DRC9: variants seen among roughly 807,000 people sequenced by gnomAD.
DRC9 encodes dynein regulatory complex protein 9.
the DRC9 span, among the ~76,000 whole-genome samples, chr3:197,944,655 A>G: frequency 1.2e-4 from 18 of 151,964 alleles, no homozygotes; most frequent in Admixed American, 2.0e-4. Context: ...TCACCGTGTT[A>G]GCCAGGATGG....
the DRC9 span, chr3:197,891,470 G>A: frequency 6.3e-7 from 1 of 1,597,368 alleles, no homozygotes; most frequent in African/African-American, 1.3e-5. Flanking sequence ...TTAATTCCAA[G>A]AGATCCTGTT....
the DRC9 span, among the ~76,000 whole-genome samples, chr3:197,932,806 T>C: frequency 1.5e-5 from 2 of 137,234 alleles, no homozygotes; most frequent in African/African-American, 5.6e-5. Flanking sequence ...AAAAAATATA[T>C]ATATGTATTA....
the DRC9 span, among the ~76,000 whole-genome samples, chr3:197,904,631 G>C: frequency 6.6e-6 from 1 of 152,110 alleles, no homozygotes; most frequent in Non-Finnish European, 1.5e-5. Flanking sequence ...TTGGGAGGCC[G>C]AGGCAGATCA....
the DRC9 span, among the ~76,000 whole-genome samples, chr3:197,911,841 T>C: frequency 4.9e-4 from 74 of 151,674 alleles, no homozygotes; most frequent in African/African-American, 1.7e-3. Flanking sequence ...GGTTTCTCCA[T>C]GTTGGCCAGG....
At chr3:197,907,352 A>G in the DRC9 span, among the ~76,000 whole-genome samples, 1 of 152,184 alleles carries the variant, frequency 6.6e-6, no homozygotes, top group Non-Finnish European at 1.5e-5. Context: ...CCCCCAAATC[A>G]TAGCAGGGAA....
At chr3:197,939,570 A>C in the DRC9 span, among the ~76,000 whole-genome samples, 1 of 152,252 alleles carries the variant, frequency 6.6e-6, no homozygotes, top group Non-Finnish European at 1.5e-5. Context: ...CAGCGACTAC[A>C]CATACGGATT....
chr3:197,903,000 AAT>A, the DRC9 span, among the ~76,000 whole-genome samples: 1 of 152,236 alleles, frequency 6.6e-6, no homozygotes, highest in Non-Finnish European at 1.5e-5. Flanking sequence ...AATGGAACAG[AAT>A]AGAGAACCCA....
chr3:197,949,237 G>T, the DRC9 span: 1 of 152,124 alleles, frequency 6.6e-6, no homozygotes, highest in Non-Finnish European at 1.5e-5. Flanking sequence ...CTTGGTACAG[G>T]GTAGTCATTC....
chr3:197,959,891 T>C, the DRC9 span: 17 of 366,370 alleles, frequency 4.6e-5, no homozygotes, highest in Middle Eastern at 1.6e-3. Flanking sequence ...GAGGGTTGTA[T>C]GTACGTCTAA....
At chr3:197,956,624 G>GTTTTT in the DRC9 span, 662 of 135,170 alleles carry the variant, frequency 4.9e-3, 7 homozygotes, top group African/African-American at 0.017. Context: ...TTGCTGTATG[G>GTTTTT]TTTTTTTTTT....
chr3:197,918,258 C>CTTTTT, the DRC9 span, among the ~76,000 whole-genome samples: 39 of 60,280 alleles, frequency 6.5e-4, 1 homozygote, highest in Non-Finnish European at 8.2e-4. Flanking sequence ...TAATTTTTTG[C>CTTTTT]TTTTTTTTTT....
the DRC9 span, among the ~76,000 whole-genome samples, chr3:197,946,259 C>A: frequency 2.0e-5 from 3 of 151,854 alleles, no homozygotes; most frequent in Non-Finnish European, 4.4e-5. Context: ...CACGGTGAAA[C>A]CCCGTCTCTA....
the DRC9 span, among the ~76,000 whole-genome samples, chr3:197,923,775 A>G: frequency 6.6e-6 from 1 of 152,130 alleles, no homozygotes. Flanking sequence ...ATAAATAAAA[A>G]TATTCTCTCA....
At chr3:197,931,689 G>A in the DRC9 span, among the ~76,000 whole-genome samples, 3 of 151,738 alleles carry the variant, frequency 2.0e-5, no homozygotes, top group Non-Finnish European at 4.4e-5. Flanking sequence ...CTCACTACAA[G>A]CTCTGCCTCA....
At chr3:197,889,826 C>T in the DRC9 span, 1 of 1,280,682 alleles carries the variant, frequency 7.8e-7, no homozygotes, top group Non-Finnish European at 1.1e-6. Context: ...AACAGTCTCT[C>T]TCCAGGACAT....
chr3:197,918,975 A>C, the DRC9 span, among the ~76,000 whole-genome samples: 1 of 152,034 alleles, frequency 6.6e-6, no homozygotes, highest in South Asian at 2.1e-4. Context: ...CGCTGGGCTA[A>C]TTTTGTATTT....
chr3:197,937,941 A>G, the DRC9 span, among the ~76,000 whole-genome samples: 1 of 152,252 alleles, frequency 6.6e-6, no homozygotes, highest in African/African-American at 2.4e-5. Flanking sequence ...TCTCTAAAAA[A>G]TAAACAATCT....
At chr3:197,946,824 T>C in the DRC9 span, among the ~76,000 whole-genome samples, 1 of 152,178 alleles carries the variant, frequency 6.6e-6, no homozygotes, top group East Asian at 1.9e-4. Context: ...TTTCTTTTTT[T>C]CTTTTCTTTT....
chr3:197,899,427 A>G, the DRC9 span, among the ~76,000 whole-genome samples: 1 of 152,228 alleles, frequency 6.6e-6, no homozygotes, highest in Non-Finnish European at 1.5e-5. Context: ...ATATAAACAC[A>G]AAGTAAAAGT....
Sources: gnomAD v4.1 joint callset for allele counts (sites outside exome capture counted in the v4.1 genomes callset) on GRCh38, gnomAD v4.1.1 for gene constraint, MANE v1.5 for transcripts, NCBI Gene and HGNC (gene_info 2026-07-23, HGNC 2026-07-21) for gene names.